SEC22A: variants seen among roughly 807,000 people sequenced by gnomAD.
SEC22A encodes SEC22 homolog A, vesicle trafficking protein.
A neutral mutation model predicts 35.3 loss-of-function variants in SEC22A; 22 were observed. The ratio of observed to expected loss-of-function variants is 0.62; its 90% CI spans 0.45 to 0.89. The LOEUF is 0.89. Among genes scored for constraint, SEC22A ranks in the 40% least tolerant of loss-of-function variants. The probability of loss-of-function intolerance (pLI) is 0.00; values close to 1 mark genes in which losing one functional copy is unlikely to be tolerated. For synonymous variants in SEC22A, 119 were observed against 129.5 expected, an observed-to-expected ratio of 0.92 and a Z score of 0.55; for missense variants, 354 against 362.5, an observed-to-expected ratio of 0.98 and a Z score of 0.19.
chr3:123,208,883 C>T (rs1936893054), intron 1 of SEC22A: 2 of 267,364 alleles, frequency 7.5e-6, no homozygotes, highest in South Asian at 4.0e-5. Flanking sequence ...CAACCTCTGC[C>T]TCCCGGGTTC....
intron 4 of SEC22A, among the ~76,000 whole-genome samples, chr3:123,234,239 T>C (rs958688117): frequency 6.6e-6 from 1 of 152,206 alleles, no homozygotes; most frequent in African/African-American, 2.4e-5. Context: ...TTTATAAAAA[T>C]CCCGGCTTTT....
intron 5 of SEC22A, among the ~76,000 whole-genome samples, chr3:123,256,774 T>TTTC (rs1300828919): frequency 6.7e-6 from 1 of 149,544 alleles, no homozygotes; most frequent in Non-Finnish European, 1.5e-5. Flanking sequence ...TTTTTTTTTT[T>TTTC]TTTGAGGTGG....
At chr3:123,227,049 A>G (rs577512761) in intron 4 of SEC22A, among the ~76,000 whole-genome samples, 13 of 152,328 alleles carry the variant, frequency 8.5e-5, no homozygotes, top group African/African-American at 3.1e-4. Flanking sequence ...GAAGGTGTAA[A>G]TACTTTAGTG....
intron 4 of SEC22A, among the ~76,000 whole-genome samples, chr3:123,226,236 A>G (rs1167135062): frequency 6.6e-6 from 1 of 152,182 alleles, no homozygotes; most frequent in Non-Finnish European, 1.5e-5. Flanking sequence ...GCTGGATTAT[A>G]TGATAGTTCT....
chr3:123,206,239 G>A (rs545812143), intron 1 of SEC22A, among the ~76,000 whole-genome samples: 72 of 152,088 alleles, frequency 4.7e-4, no homozygotes, highest in Non-Finnish European at 8.7e-4. Flanking sequence ...TACTATAGGC[G>A]TGTGCCACCA....
At chr3:123,234,341 T>C (rs1361426342) in intron 4 of SEC22A, among the ~76,000 whole-genome samples, 1 of 152,138 alleles carries the variant, frequency 6.6e-6, no homozygotes, top group African/African-American at 2.4e-5. Flanking sequence ...CTTGGAAAAG[T>C]ACAAAGTTGG....
chr3:123,268,793 G>T (rs1274802993), intron 6 of SEC22A, among the ~76,000 whole-genome samples: 3 of 152,120 alleles, frequency 2.0e-5, no homozygotes, highest in Admixed American at 2.0e-4. Flanking sequence ...CCTGATCCAG[G>T]ATTATGCATT....
At chr3:123,213,180 T>A (rs1391471818) in intron 2 of SEC22A, among the ~76,000 whole-genome samples, 1 of 152,228 alleles carries the variant, frequency 6.6e-6, no homozygotes, top group Non-Finnish European at 1.5e-5. Context: ...TTCTAGTTCC[T>A]GACAAGGACC....
intron 4 of SEC22A, among the ~76,000 whole-genome samples, chr3:123,232,389 A>G (rs1937338532): frequency 6.6e-6 from 1 of 152,252 alleles, no homozygotes; most frequent in Non-Finnish European, 1.5e-5. Flanking sequence ...ACTACTGGTA[A>G]TGATGCAAGA....
At chr3:123,247,310 G>T (rs1192127091) in intron 5 of SEC22A, among the ~76,000 whole-genome samples, 1 of 152,138 alleles carries the variant, frequency 6.6e-6, no homozygotes, top group South Asian at 2.1e-4. Flanking sequence ...TTGGGCTTGG[G>T]TAGAGAAAAT....
intron 6 of SEC22A, among the ~76,000 whole-genome samples, chr3:123,264,848 T>G: frequency 6.6e-6 from 1 of 152,112 alleles, no homozygotes; most frequent in East Asian, 1.9e-4. Context: ...GGTTTCACCA[T>G]GTTGACCAGG....
chr3:123,210,231 A>G (rs566825716), intron 2 of SEC22A, among the ~76,000 whole-genome samples: 3 of 152,240 alleles, frequency 2.0e-5, no homozygotes, highest in Admixed American at 6.5e-5. Context: ...GAGAGGTCAG[A>G]TGGAAGACTC....
At chr3:123,254,446 CTCT>C (rs1171816271) in intron 5 of SEC22A, among the ~76,000 whole-genome samples, 1 of 152,060 alleles carries the variant, frequency 6.6e-6, no homozygotes, top group Non-Finnish European at 1.5e-5. Flanking sequence ...TACCTCTGCC[CTCT>C]TCTTCCTCTC....
intron 4 of SEC22A, among the ~76,000 whole-genome samples, chr3:123,225,816 C>T (rs911075607): frequency 2.0e-5 from 3 of 152,090 alleles, no homozygotes; most frequent in African/African-American, 7.2e-5. Context: ...ATATTATGTA[C>T]CCATTAACCA....
At chr3:123,255,189 A>G (rs1937699430) in intron 5 of SEC22A, among the ~76,000 whole-genome samples, 1 of 152,216 alleles carries the variant, frequency 6.6e-6, no homozygotes, top group Admixed American at 6.5e-5. Context: ...GACACAAGTC[A>G]CTGTTAATAG....
At position 123,255,797 on chromosome 3, in the gene SEC22A, C is replaced by T. The variant is rs377283121; in HGVS notation, c.658-3727C>T. 1.1e-4 allele frequency among the ~76,000 whole-genome samples: 17 copies of T among 152,098 alleles called. No individual in the cohort carries two copies. In the East Asian group the frequency reaches 1.5e-3, roughly 14 times the overall value. The stretch of plus-strand genomic sequence containing the variant: ...CGCATGACTTTTTATTAAATATTTG[C>T]GTTTTCCTTTTGCTGCACCACATAA... On this transcript the variant is annotated intron_variant, in intron 5 of 6. Coordinates refer to ENST00000492595, the MANE Select transcript of SEC22A (RefSeq NM_012430.5).
intron 4 of SEC22A, among the ~76,000 whole-genome samples, chr3:123,228,969 A>T (rs1455482727): frequency 6.6e-6 from 1 of 152,216 alleles, no homozygotes; most frequent in Non-Finnish European, 1.5e-5. Context: ...AACAGAAAAA[A>T]GAATGAAGAA....
chr3:123,225,038 C>A, intron 3 of SEC22A, 65 bp from the exon 4 acceptor site: 2 of 1,048,920 alleles, frequency 1.9e-6, no homozygotes, highest in Non-Finnish European at 2.8e-6. Context: ...TATCCATAAA[C>A]ATCATATTCT....
At chr3:123,260,828 A>G (rs1937875644) in intron 6 of SEC22A, among the ~76,000 whole-genome samples, 2 of 139,662 alleles carry the variant, frequency 1.4e-5, no homozygotes, top group East Asian at 2.0e-4. Context: ...AAATCACTTG[A>G]TTTTCTTTTT....
Sources: allele counts gnomAD v4.1 joint callset (sites outside exome capture counted in the v4.1 genomes callset), GRCh38; gene constraint gnomAD v4.1.1; transcripts MANE v1.5; gene names NCBI Gene and HGNC (gene_info 2026-07-23, HGNC 2026-07-21).